PIAS4: variants seen among roughly 807,000 people sequenced by gnomAD.
PIAS4 encodes protein inhibitor of activated STAT 4, also known as E3 SUMO-protein ligase PIAS4.
In PIAS4, 7 loss-of-function variants were observed where a neutral mutation model predicts 58.0. The ratio of observed to expected loss-of-function variants is 0.12; its 90% CI spans 0.07 to 0.23. The LOEUF (loss-of-function observed/expected upper bound fraction) is 0.23, where lower values mean the gene tolerates loss of function less well. Ranked by LOEUF, PIAS4 falls within the 10% of genes least tolerant of loss-of-function variation. The pLI, the probability that PIAS4 is intolerant of heterozygous loss-of-function variation, is 1.00. For synonymous variants in PIAS4, 364 were observed against 312.4 expected (o/e 1.17, Z -1.74); for missense variants, 550 against 709.5 (o/e 0.78, Z 2.55).
chr19:4,029,601 A>G (rs1163762128), intron 7 of PIAS4, among the ~76,000 whole-genome samples: 2 of 150,092 alleles, frequency 1.3e-5, no homozygotes, highest in Non-Finnish European at 3.0e-5. Context: ...TAGAGGTTGC[A>G]GTGAGCTGAG....
intron 2 of PIAS4, among the ~76,000 whole-genome samples, chr19:4,019,884 C>CAG (rs753915383): frequency 8.6e-5 from 13 of 151,830 alleles, no homozygotes; most frequent in Non-Finnish European, 8.8e-5. Context: ...GAGGCCCTGG[C>CAG]AGGGCTGGGA....
chr19:4,037,383 G>T lies in PIAS4; in HGVS notation c.1152G>T (p.Ser384=). Residue 384 remains serine (S), a synonymous_variant, in exon 10 of 11, where the codon TCG becomes TCT. Transcript: ENST00000262971. This position sits in a 1 kb window ranked among gnomAD's most constrained non-coding sequence, Gnocchi z 5.8. ...GTCCGCCTCGCCCCAGGCTCCTCTC[G>T]AAGATCCTGAGCGAGTGTGAGGACG... is the stretch of plus-strand genomic sequence containing the variant. ...YDQLIIDGLL[S]KILSECEDAD... 6.2e-7 allele frequency: 1 copy of T among 1,605,392 alleles called. No homozygotes were observed. The highest frequency in any genetic ancestry group is 8.5e-7 in the Non-Finnish European group (1 of 1,174,460).
chr19:4,023,350 T>C (rs974160392), intron 2 of PIAS4, among the ~76,000 whole-genome samples: 5 of 151,926 alleles, frequency 3.3e-5, no homozygotes, highest in Admixed American at 1.3e-4. Flanking sequence ...TTGGTGGCTA[T>C]TCGGGAGGTT....
rs2040315181 is a variant in PIAS4, at chr19:4,037,696, C to T, written c.1354C>T (p.Pro452Ser). Residue 452 changes from proline to serine, a missense_variant, in exon 11 of 11, where the codon CCG becomes TCG. By Grantham distance (74) the Pro-to-Ser change is moderately conservative (BLOSUM62 -1). Coordinates refer to ENST00000262971, the MANE Select transcript of PIAS4 (RefSeq NM_015897.4). The surrounding 1 kb of genome is among the most constrained non-coding windows in gnomAD (Gnocchi z 5.8). ...CCTGGGCAGCACGGGTGGCGGCGGCCCGGTGGGCAGCATGGAGAATGGGAA... is the reference window on the plus strand; with the variant it reads ...CCTGGGCAGCACGGGTGGCGGCGGCTCGGTGGGCAGCATGGAGAATGGGAA... ...GALGSTGGGG[P>S]VGSMENGKPG... 6.2e-7 allele frequency: 1 copy of T among 1,611,848 alleles called. No individual in the cohort carries two copies. Among genetic ancestry groups the T allele is most frequent in the Non-Finnish European group, 8.5e-7 (1 of 1,179,574 alleles).
At chr19:4,023,944 C>A in intron 2 of PIAS4, 92 bp from the exon 3 acceptor site, 1 of 859,730 alleles carries the variant, frequency 1.2e-6, no homozygotes, top group Non-Finnish European at 2.0e-6. Flanking sequence ...TTCCTGTTTC[C>A]TGGTCTGAAG....
At chr19:4,033,053 C>T (rs373914470) in intron 7 of PIAS4, 47 bp from the exon 8 acceptor site, 3 of 1,510,260 alleles carry the variant, frequency 2.0e-6, no homozygotes, top group Non-Finnish European at 1.8e-6. Flanking sequence ...GCCCCGCGCC[C>T]TGCTGTTCCC....
chr19:4,027,329 C>T (rs1389133363), intron 3 of PIAS4, among the ~76,000 whole-genome samples: 1 of 152,166 alleles, frequency 6.6e-6, no homozygotes, highest in Non-Finnish European at 1.5e-5. Context: ...GGGACATCCT[C>T]ACGGTGCACC....
chr19:4,009,418 G>A (rs1246051848), intron 1 of PIAS4, among the ~76,000 whole-genome samples: 1 of 152,144 alleles, frequency 6.6e-6, no homozygotes, highest in Non-Finnish European at 1.5e-5. Context: ...CTGGAGTCCT[G>A]AAATGTAACC....
intron 9 of PIAS4, among the ~76,000 whole-genome samples, chr19:4,036,284 C>T (rs561958697): frequency 0.012 from 708 of 60,012 alleles, 40 homozygotes; most frequent in African/African-American, 0.022. Context: ...TGGTCTACAC[C>T]GTCACACACA....
At chr19:4,020,989 G>A (rs1339886379) in intron 2 of PIAS4, among the ~76,000 whole-genome samples, 1 of 152,206 alleles carries the variant, frequency 6.6e-6, no homozygotes, top group Non-Finnish European at 1.5e-5. Context: ...GGGTAGGTCT[G>A]TGCTTACCTT....
At chr19:4,011,488 A>G (rs1221225722) in intron 1 of PIAS4, among the ~76,000 whole-genome samples, 1 of 152,178 alleles carries the variant, frequency 6.6e-6, no homozygotes, top group East Asian at 1.9e-4. Context: ...TTTGGTTTTT[A>G]TTTCGCTGGA....
chr19:4,024,137 C>T lies in PIAS4; in HGVS notation c.539+17C>T. ...GAACTCCAGGTGTGCGGCACCTCCC[C>T]CAGCCCAGCACCCCACCGCCCGCCC... On this transcript the variant is annotated intron_variant, in intron 3 of 10. Coordinates refer to ENST00000262971, the MANE Select transcript of PIAS4 (RefSeq NM_015897.4). 1 of 1,595,776 alleles carries T rather than the reference C, an allele frequency of 6.3e-7. No homozygotes were observed. The highest frequency in any genetic ancestry group is 8.6e-7 in the Non-Finnish European group (1 of 1,163,480).
Position 4,038,898 on chromosome 19 carries a change from ACT to A in PIAS4, c.*1026_*1027del, listed in dbSNP as rs1284816477. ...CGGCACCCTGTCCCCCGGGAGCCTC[ACT>A]CTTCCAGCAGGACCAGACCAGGGGC... On this transcript the variant is annotated 3_prime_UTR_variant, in exon 11 of 11. Coordinates refer to ENST00000262971, the MANE Select transcript of PIAS4 (RefSeq NM_015897.4). The surrounding 1 kb of genome is among the most constrained non-coding windows in gnomAD (Gnocchi z 4.1). 2 of 152,270 alleles carry A rather than the reference ACT, an allele frequency of 1.3e-5. No homozygotes were observed. The highest frequency in any genetic ancestry group is 4.8e-5 in the African/African-American group (2 of 41,442). The allele number at this position is 152,270 out of a possible 1,614,324, so 9.4% of individuals were successfully genotyped here. A position where few individuals can be genotyped will look rare whatever the true frequency, so the allele number is the denominator to read the frequency against.
At chr19:4,036,776 A>ATG (rs1193722446) in intron 9 of PIAS4, among the ~76,000 whole-genome samples, 1 of 132,928 alleles carries the variant, frequency 7.5e-6, no homozygotes, top group Non-Finnish European at 1.5e-5. Context: ...ACACCGTCAC[A>ATG]CACACACACA....
intron 2 of PIAS4, among the ~76,000 whole-genome samples, chr19:4,023,761 A>G (rs1453277815): frequency 1.3e-5 from 2 of 152,166 alleles, no homozygotes; most frequent in South Asian, 2.1e-4. Context: ...TTTCCTAAGT[A>G]GACGCCTGCA....
intron 7 of PIAS4, among the ~76,000 whole-genome samples, chr19:4,030,328 A>G (rs1285805913): frequency 0.018 from 2,618 of 148,962 alleles, 4 homozygotes; most frequent in Middle Eastern, 0.031. Context: ...ATTTTAAAAG[A>G]AAGCCTGCCG....
intron 2 of PIAS4, among the ~76,000 whole-genome samples, chr19:4,023,490 A>G (rs1023157772): frequency 2.0e-5 from 3 of 151,732 alleles, no homozygotes; most frequent in Non-Finnish European, 4.4e-5. Flanking sequence ...CAAAACAAAC[A>G]AAAACCAATG....
Position 4,038,733 on chromosome 19 carries a change from C to T in PIAS4, c.*858C>T, listed in dbSNP as rs532422874. 5.8e-5 allele frequency: 9 copies of T among 154,770 alleles called. No homozygotes were observed. Among genetic ancestry groups the T allele is most frequent in the African/African-American group, 9.6e-5 (4 of 41,564 alleles). The allele number at this position is 154,770 out of a possible 1,614,324, so 9.6% of individuals were successfully genotyped here. On this transcript the variant is annotated 3_prime_UTR_variant, in exon 11 of 11. Coordinates refer to ENST00000262971, the MANE Select transcript of PIAS4 (RefSeq NM_015897.4). This position sits in a 1 kb window ranked among gnomAD's most constrained non-coding sequence, Gnocchi z 4.1. ...TGTCCACAGCTGCCGCCGCCGCCGCCGCCACCATACCCCGGTCCTTGGGGC... is the reference window on the plus strand; with the variant it reads ...TGTCCACAGCTGCCGCCGCCGCCGCTGCCACCATACCCCGGTCCTTGGGGC...
rs531937716 is a variant in PIAS4, at chr19:4,025,911, A to G, written c.539+1791A>G. On this transcript the variant is annotated intron_variant, in intron 3 of 10. Transcript: ENST00000262971. ...ACACAGTGAAACCCCGTCTCTACCA[A>G]ACATACAAAAAAATTAGCCGGGTGT... 2.0e-5 allele frequency among the ~76,000 whole-genome samples: 3 copies of G among 151,624 alleles called. No homozygotes were observed. The East Asian group carries it at 6.0e-4, about 30-fold the overall frequency.
Sources: gnomAD v4.1 joint callset for allele counts (sites outside exome capture counted in the v4.1 genomes callset) on GRCh38, gnomAD v4.1.1 for gene constraint, Gnocchi (gnomAD v3.1) non-coding constraint, MANE v1.5 for transcripts, NCBI Gene and HGNC (gene_info 2026-07-23, HGNC 2026-07-21) for gene names.